VIT: variants seen among roughly 807,000 people sequenced by gnomAD.
The protein encoded by VIT is vitrin.
VIT carries 99 observed loss-of-function variants against 78.0 expected under a neutral mutation model. The observed-to-expected ratio is 1.27, with a 90% CI of 1.08 to 1.50. VIT has a LOEUF of 1.50. Ranked by LOEUF, VIT falls within the 40% of genes most tolerant of loss-of-function variation. VIT has a pLI of 0.00. For missense variants in VIT, 1,126 were observed against 875.3 expected (o/e 1.29, Z -3.61); for synonymous variants, 374 against 334.3 (o/e 1.12, Z -1.29).
At chr2:36,748,378 C>G (rs1244356627) in intron 4 of VIT, among the ~76,000 whole-genome samples, 1 of 152,152 alleles carries the variant, frequency 6.6e-6, no homozygotes, top group Non-Finnish European at 1.5e-5. Context: ...GTCACAGCCT[C>G]CTTTGGTTGG....
chr2:36,712,731 G>A (rs1228955920), intron 1 of VIT, among the ~76,000 whole-genome samples: 1 of 152,206 alleles, frequency 6.6e-6, no homozygotes, highest in Non-Finnish European at 1.5e-5. Flanking sequence ...AGCTACTCGG[G>A]AGGCTGAGGC....
chr2:36,746,529 A>G (rs1290156935), intron 4 of VIT, among the ~76,000 whole-genome samples: 1 of 151,694 alleles, frequency 6.6e-6, no homozygotes, highest in Non-Finnish European at 1.5e-5. Context: ...CAATCTTGGG[A>G]GGTTGTGTGT....
chr2:36,808,400 G>C, intron 14 of VIT, 72 bp from the exon 15 acceptor site: 1 of 1,514,434 alleles, frequency 6.6e-7, no homozygotes, highest in South Asian at 1.3e-5. Flanking sequence ...CTGCCCCGGG[G>C]GATCAAGCCT....
At chr2:36,730,899 GC>G (rs1038330680) in intron 3 of VIT, among the ~76,000 whole-genome samples, 1 of 152,128 alleles carries the variant, frequency 6.6e-6, no homozygotes. Flanking sequence ...TTGCGAGTAT[GC>G]AAAAAAGTTT....
chr2:36,718,885 A>G (rs574734280), intron 2 of VIT, among the ~76,000 whole-genome samples: 1 of 152,342 alleles, frequency 6.6e-6, no homozygotes, highest in African/African-American at 2.4e-5. Context: ...AAGGTCCTTC[A>G]TTTCTACCTT....
intron 10 of VIT, among the ~76,000 whole-genome samples, chr2:36,782,139 G>A (rs888055): frequency 0.72 from 110,079 of 152,094 alleles, 39,932 homozygotes; most frequent in Middle Eastern, 0.82. Context: ...TTCCCTTCAC[G>A]AGAATGGGTG....
chr2:36,798,239 CT>C (rs1266222351), intron 12 of VIT, among the ~76,000 whole-genome samples: 1 of 152,082 alleles, frequency 6.6e-6, no homozygotes, highest in African/African-American at 2.4e-5. Flanking sequence ...CTGAAGGTTC[CT>C]CTAGCAGATG....
chr2:36,798,430 G>C (rs1289787323), intron 12 of VIT, among the ~76,000 whole-genome samples: 1 of 152,202 alleles, frequency 6.6e-6, no homozygotes, highest in Admixed American at 6.5e-5. Context: ...ATAAGTAAAA[G>C]TGTACATAGC....
chr2:36,785,481 T>C (rs1251885577), intron 11 of VIT, among the ~76,000 whole-genome samples: 1 of 152,234 alleles, frequency 6.6e-6, no homozygotes, highest in Non-Finnish European at 1.5e-5. Flanking sequence ...CTGCTTCTCC[T>C]TTCCTTTACC....
At chr2:36,725,117 A>G (rs994721092) in intron 2 of VIT, among the ~76,000 whole-genome samples, 1 of 152,136 alleles carries the variant, frequency 6.6e-6, no homozygotes, top group Non-Finnish European at 1.5e-5. Flanking sequence ...CTGCCTGGCT[A>G]GACTTCTGGT....
chr2:36,702,920 C>T (rs1665156266), intron 1 of VIT, among the ~76,000 whole-genome samples: 1 of 152,206 alleles, frequency 6.6e-6, no homozygotes, highest in South Asian at 2.1e-4. Context: ...AACTGGTAAG[C>T]TCTGTCTGGC....
intron 3 of VIT, among the ~76,000 whole-genome samples, chr2:36,732,991 A>G (rs561516206): frequency 1.4e-4 from 21 of 152,328 alleles, no homozygotes; most frequent in African/African-American, 4.8e-4. Context: ...GAAATAGAGA[A>G]TAGAAGGTGA....
intron 15 of VIT, among the ~76,000 whole-genome samples, chr2:36,813,623 A>C (rs1247338086): frequency 6.6e-6 from 1 of 152,188 alleles, no homozygotes; most frequent in East Asian, 1.9e-4. Context: ...GGGTTCCTGC[A>C]CTGGAAATGA....
intron 4 of VIT, among the ~76,000 whole-genome samples, chr2:36,752,269 G>A (rs958981236): frequency 2.0e-5 from 3 of 152,164 alleles, no homozygotes; most frequent in African/African-American, 7.2e-5. Flanking sequence ...TCCCTGAGAA[G>A]GTGCAATGAA....
intron 1 of VIT, among the ~76,000 whole-genome samples, chr2:36,706,578 T>A (rs181772665): frequency 2.0e-5 from 3 of 152,124 alleles, no homozygotes; most frequent in Non-Finnish European, 4.4e-5. Context: ...CAGGGCCCCA[T>A]ATGACCTGCA....
At chr2:36,807,769 T>G (rs1484090343) in intron 14 of VIT, among the ~76,000 whole-genome samples, 1 of 152,202 alleles carries the variant, frequency 6.6e-6, no homozygotes, top group African/African-American at 2.4e-5. Flanking sequence ...TAGGCACTGG[T>G]AAATAAATAT....
intron 4 of VIT, among the ~76,000 whole-genome samples, chr2:36,751,785 TTC>T (rs1225204798): frequency 1.3e-5 from 2 of 152,182 alleles, no homozygotes; most frequent in African/African-American, 4.8e-5. Context: ...CCACTGTGAC[TTC>T]CCAGACTAGT....
intron 2 of VIT, among the ~76,000 whole-genome samples, chr2:36,717,926 C>G (rs761486157): frequency 6.6e-6 from 1 of 152,142 alleles, no homozygotes; most frequent in African/African-American, 2.4e-5. Flanking sequence ...GGAATCTGTT[C>G]CATGTCTCTC....
rs533552203 is a variant in VIT at position 36,750,092 on chromosome 2, C to T, written c.276-4829C>T. 5.9e-5 allele frequency among the ~76,000 whole-genome samples: 9 copies of T among 152,184 alleles called. No homozygotes were observed. In the South Asian group the frequency reaches 6.2e-4, roughly 11 times the overall value. ...TAAGTAGTAAAACATTAAAGAAAAA[C>T]GACACGAAAAGCTGTTCCATAACTC... is the stretch of plus-strand genomic sequence containing the variant. On this transcript the variant is annotated intron_variant, in intron 4 of 15. Coordinates refer to ENST00000379242, the MANE Select transcript of VIT (RefSeq NM_053276.4).
Sources: allele counts gnomAD v4.1 joint callset (sites outside exome capture counted in the v4.1 genomes callset), GRCh38; gene constraint gnomAD v4.1.1; transcripts MANE v1.5; gene names NCBI Gene and HGNC (gene_info 2026-07-23, HGNC 2026-07-21).